The following SLC44A5 variants were observed in gnomAD, a reference collection of about 807,000 sequenced individuals.
SLC44A5 encodes the protein solute carrier family 44 member 5, also known as choline transporter-like protein 5.
In SLC44A5, 57 loss-of-function variants were observed where a neutral mutation model predicts 101.8. The observed-to-expected ratio is 0.56, with a 90% confidence interval of 0.45 to 0.70. The LOEUF is 0.70. Among genes scored for constraint, SLC44A5 ranks in the 30% least tolerant of loss-of-function variants. SLC44A5 has a pLI of 0.00. For synonymous variants in SLC44A5, 281 were observed against 290.9 expected (o/e 0.97, Z 0.35); for missense variants, 737 against 853.1 (o/e 0.86, Z 1.70).
chr1:75,270,431 G>T (rs1180968845), intron 6 of SLC44A5, among the ~76,000 whole-genome samples: 2 of 151,576 alleles, frequency 1.3e-5, no homozygotes, highest in Non-Finnish European at 2.9e-5. Flanking sequence ...AGAGGAAATG[G>T]GTATATTATT....
chr1:75,244,312 C>T (rs1648919040), intron 7 of SLC44A5, among the ~76,000 whole-genome samples: 1 of 151,972 alleles, frequency 6.6e-6, no homozygotes, highest in Admixed American at 6.6e-5. Flanking sequence ...ATCACTACCA[C>T]AGGACAGAGA....
At chr1:75,226,816 T>G (rs1647206991) in intron 13 of SLC44A5, among the ~76,000 whole-genome samples, 1 of 152,146 alleles carries the variant, frequency 6.6e-6, no homozygotes, top group South Asian at 2.1e-4. Context: ...AATAACACCA[T>G]TCTAGGAATA....
At chr1:75,657,312 A>T in the SLC44A5 span, among the ~76,000 whole-genome samples, 1 of 152,064 alleles carries the variant, frequency 6.6e-6, no homozygotes, top group Non-Finnish European at 1.5e-5. Flanking sequence ...ACTTTTGGAG[A>T]TGAAGGTTGG....
At chr1:75,483,504 CA>C (rs1667985623) in intron 2 of SLC44A5, among the ~76,000 whole-genome samples, 2 of 151,792 alleles carry the variant, frequency 1.3e-5, no homozygotes, top group Non-Finnish European at 2.9e-5. Context: ...CAAATGGGGG[CA>C]AAAATGAGAC....
intron 5 of SLC44A5, among the ~76,000 whole-genome samples, chr1:75,295,038 A>AAACTT (rs1213867158): frequency 6.6e-6 from 1 of 152,194 alleles, no homozygotes; most frequent in Non-Finnish European, 1.5e-5. Context: ...TTCCAAACTA[A>AAACTT]AACTCACTTA....
the SLC44A5 span, among the ~76,000 whole-genome samples, chr1:75,686,059 C>G: frequency 1.7e-4 from 26 of 152,060 alleles, no homozygotes; most frequent in Non-Finnish European, 3.4e-4. Flanking sequence ...TCATGAAAAC[C>G]CATTCACTAT....
At chr1:75,656,462 GA>G in the SLC44A5 span, among the ~76,000 whole-genome samples, 1 of 152,154 alleles carries the variant, frequency 6.6e-6, no homozygotes, top group African/African-American at 2.4e-5. Flanking sequence ...AATTTGTTGA[GA>G]TAGGCTATAT....
At chr1:75,553,004 A>G (rs968577455) in intron 1 of SLC44A5, among the ~76,000 whole-genome samples, 7 of 152,112 alleles carry the variant, frequency 4.6e-5, no homozygotes, top group African/African-American at 1.7e-4. Context: ...CACCAGTTCA[A>G]AAATTACGTA....
intron 3 of SLC44A5, among the ~76,000 whole-genome samples, chr1:75,393,063 T>C (rs1661898698): frequency 6.6e-6 from 1 of 152,172 alleles, no homozygotes; most frequent in Admixed American, 6.6e-5. Flanking sequence ...GCTCACTATT[T>C]GGGTGACAGA....
At chr1:75,659,284 C>A in the SLC44A5 span, among the ~76,000 whole-genome samples, 1 of 123,732 alleles carries the variant, frequency 8.1e-6, no homozygotes, top group Admixed American at 8.6e-5. Flanking sequence ...CATATCAAAA[C>A]CAAACAAAGA....
chr1:75,204,045 A>G (rs1264976584), intron 23 of SLC44A5, among the ~76,000 whole-genome samples: 1 of 152,160 alleles, frequency 6.6e-6, no homozygotes, highest in East Asian at 1.9e-4. Flanking sequence ...TCAGCAAGAT[A>G]TTATTTCATT....
At chr1:75,330,624 C>T (rs1042860570) in intron 4 of SLC44A5, among the ~76,000 whole-genome samples, 1 of 152,106 alleles carries the variant, frequency 6.6e-6, no homozygotes, top group African/African-American at 2.4e-5. Flanking sequence ...GCACCACACA[C>T]CACCATGTTC....
At chr1:75,330,496 T>C (rs1656968912) in intron 4 of SLC44A5, among the ~76,000 whole-genome samples, 1 of 152,174 alleles carries the variant, frequency 6.6e-6, no homozygotes, top group Admixed American at 6.5e-5. Context: ...TGGTTCAAAG[T>C]CCCTGCTTCC....
intron 9 of SLC44A5, among the ~76,000 whole-genome samples, chr1:75,239,608 ACCTTTCTACTGCTCTTCCCTT>A (rs1648433671): frequency 6.6e-6 from 1 of 151,864 alleles, no homozygotes; most frequent in Non-Finnish European, 1.5e-5. Context: ...TACCTGCCCC[ACCTTTCTACTGCTCTTCCCTT>A]CCTTTCTGTG....
intron 4 of SLC44A5, among the ~76,000 whole-genome samples, chr1:75,333,018 C>T (rs550387546): frequency 4.6e-5 from 7 of 151,784 alleles, no homozygotes; most frequent in African/African-American, 1.7e-4. Flanking sequence ...AGGTGGGGCT[C>T]ATTATCATAG....
At chr1:75,472,458 C>T (rs535116761) in intron 2 of SLC44A5, among the ~76,000 whole-genome samples, 65 of 152,222 alleles carry the variant, frequency 4.3e-4, no homozygotes, top group African/African-American at 1.4e-3. Flanking sequence ...ATCATTCTTA[C>T]AGTTCTTTTA....
chr1:75,676,755 T>A, the SLC44A5 span, among the ~76,000 whole-genome samples: 3 of 151,874 alleles, frequency 2.0e-5, no homozygotes, highest in African/African-American at 7.3e-5. Flanking sequence ...GATATCAATA[T>A]CCAAGTACAA....
chr1:75,317,037 C>T (rs142622363), intron 4 of SLC44A5, among the ~76,000 whole-genome samples: 2,889 of 152,232 alleles, frequency 0.019, 87 homozygotes, highest in Middle Eastern at 0.065. Flanking sequence ...AAAGGAAAAT[C>T]CCAAGAACAA....
At chr1:75,422,867 T>C (rs759262116) in intron 2 of SLC44A5, among the ~76,000 whole-genome samples, 3 of 152,212 alleles carry the variant, frequency 2.0e-5, no homozygotes, top group South Asian at 2.1e-4. Flanking sequence ...CCACTACCCA[T>C]AGCTGCTTTC....
Sources: gnomAD v4.1 joint callset for allele counts (sites outside exome capture counted in the v4.1 genomes callset) on GRCh38, gnomAD v4.1.1 for gene constraint, MANE v1.5 for transcripts, NCBI Gene and HGNC (gene_info 2026-07-23, HGNC 2026-07-21) for gene names.